The following RNF180 variants were observed in gnomAD, a reference collection of about 807,000 sequenced individuals.
RNF180 encodes E3 ubiquitin-protein ligase RNF180.
A neutral mutation model predicts 59.2 loss-of-function variants in RNF180; 38 were observed. That is an observed-to-expected ratio of 0.64 (90% CI 0.50 to 0.84). RNF180 has a LOEUF of 0.84. Ranked by LOEUF, RNF180 falls within the 40% of genes least tolerant of loss-of-function variation. The probability of loss-of-function intolerance (pLI) is 0.00; values close to 1 mark genes in which losing one functional copy is unlikely to be tolerated. For synonymous variants in RNF180, 262 were observed against 240.3 expected, an observed-to-expected ratio of 1.09 and a Z score of -0.84; for missense variants, 705 against 700.9, an observed-to-expected ratio of 1.01 and a Z score of -0.07.
intron 1 of RNF180, among the ~76,000 whole-genome samples, chr5:64,175,191 T>G (rs1750167119): frequency 6.6e-6 from 1 of 152,130 alleles, no homozygotes; most frequent in African/African-American, 2.4e-5. Context: ...GGTCTTGAAC[T>G]CCCAACTTCG....
intron 4 of RNF180, among the ~76,000 whole-genome samples, chr5:64,214,848 G>A (rs971260557): frequency 5.3e-5 from 8 of 151,950 alleles, no homozygotes; most frequent in Non-Finnish European, 7.4e-5. Flanking sequence ...GTTTTGCAGC[G>A]GTTTTATTTT....
intron 1 of RNF180, among the ~76,000 whole-genome samples, chr5:64,173,229 A>G (rs1179127066): frequency 6.6e-6 from 1 of 152,238 alleles, no homozygotes; most frequent in Non-Finnish European, 1.5e-5. Flanking sequence ...ACCACCCAAT[A>G]ACATTTAAAT....
intron 5 of RNF180, among the ~76,000 whole-genome samples, chr5:64,319,875 G>T (rs959255545): frequency 6.6e-6 from 1 of 152,202 alleles, no homozygotes; most frequent in African/African-American, 2.4e-5. Flanking sequence ...GATTTGGCAG[G>T]TGCCATAAGA....
intron 5 of RNF180, among the ~76,000 whole-genome samples, chr5:64,296,233 T>C (rs1408749579): frequency 6.6e-6 from 1 of 152,138 alleles, no homozygotes; most frequent in African/African-American, 2.4e-5. Flanking sequence ...GCCCCTGATA[T>C]TTACCCTATC....
chr5:64,242,489 A>G (rs1447623617), intron 5 of RNF180, among the ~76,000 whole-genome samples: 1 of 152,226 alleles, frequency 6.6e-6, no homozygotes, highest in African/African-American at 2.4e-5. Context: ...AATTAAAAAA[A>G]CTGAAGGAAA....
At chr5:64,215,213 C>A (rs1473510157) in intron 4 of RNF180, among the ~76,000 whole-genome samples, 3 of 151,942 alleles carry the variant, frequency 2.0e-5, no homozygotes, top group African/African-American at 7.3e-5. Context: ...ATGAGATGCT[C>A]ATGAACATTT....
chr5:64,331,648 T>C (rs993877863), intron 7 of RNF180, among the ~76,000 whole-genome samples: 1 of 152,154 alleles, frequency 6.6e-6, no homozygotes, highest in East Asian at 1.9e-4. Flanking sequence ...TACCCTCCAG[T>C]TGTCTGCATA....
intron 2 of RNF180, among the ~76,000 whole-genome samples, chr5:64,201,645 A>G (rs1751754365): frequency 6.6e-6 from 1 of 152,182 alleles, no homozygotes; most frequent in Admixed American, 6.5e-5. Context: ...GTTTTACCTC[A>G]GTTAGATTTG....
chr5:64,337,825 A>C (rs1745195480), intron 7 of RNF180, among the ~76,000 whole-genome samples: 1 of 152,190 alleles, frequency 6.6e-6, no homozygotes, highest in Non-Finnish European at 1.5e-5. Flanking sequence ...GTCCCTACAA[A>C]GGACATGAAC....
chr5:64,296,194 A>G (rs1400297469), intron 5 of RNF180, among the ~76,000 whole-genome samples: 2 of 152,166 alleles, frequency 1.3e-5, no homozygotes, highest in Non-Finnish European at 2.9e-5. Flanking sequence ...GGAAATTTCT[A>G]AAGTATGACT....
chr5:64,298,149 G>C lies in RNF180; in HGVS notation c.1228-27037G>C, dbSNP rs1477605950. ...TTCTACTCCTGCATTAGTTTGCTAA[G>C]GATAATGGCCTCCAGCTCCATCGAT... On this transcript the variant is annotated intron_variant, in intron 5 of 7. Coordinates refer to ENST00000389100, the MANE Select transcript of RNF180 (RefSeq NM_001113561.2). Among the ~76,000 whole-genome samples the C allele has an allele frequency of 2.0e-5, 3 of 152,142 alleles. No homozygotes were observed. The South Asian group carries it at 6.2e-4, about 32-fold the overall frequency.
chr5:64,230,048 T>C (rs1030899478), intron 5 of RNF180, among the ~76,000 whole-genome samples: 3 of 151,892 alleles, frequency 2.0e-5, no homozygotes, highest in African/African-American at 7.3e-5. Flanking sequence ...TTCTGGTTGC[T>C]GAATTTTTCT....
In RNF180 at chr5:64,298,481, T is replaced by C. The variant is rs575567590; in HGVS notation, c.1228-26705T>C. Among the ~76,000 whole-genome samples the C allele has an allele frequency of 5.9e-5, 9 of 152,114 alleles. No homozygotes were observed. The East Asian group carries it at 1.5e-3, about 26-fold the overall frequency. On this transcript the variant is annotated intron_variant, in intron 5 of 7. Coordinates refer to ENST00000389100, the MANE Select transcript of RNF180 (RefSeq NM_001113561.2). ...CTAGCCATAAAAGGATATTTTCTTATAGCTATGTCTTACTCCTTTATGCAG... is the reference window on the plus strand; with the variant it reads ...CTAGCCATAAAAGGATATTTTCTTACAGCTATGTCTTACTCCTTTATGCAG...
intron 1 of RNF180, among the ~76,000 whole-genome samples, chr5:64,187,612 A>G (rs1750935624): frequency 6.6e-6 from 1 of 152,200 alleles, no homozygotes; most frequent in African/African-American, 2.4e-5. Context: ...GCAGCATAGA[A>G]TTATAAAATG....
In RNF180 at chr5:64,227,823, T is replaced by C. The variant is rs185576608; in HGVS notation, c.1227+10427T>C. On this transcript the variant is annotated intron_variant, in intron 5 of 7. Transcript: ENST00000389100. ...CTCACTTTTAAAATAAATAAATAAA[T>C]AAAAAATAAATCTGCACATTTGGTT... Among the ~76,000 whole-genome samples the C allele has an allele frequency of 4.1e-3, 619 of 152,228 alleles. 2 individuals are homozygous for C. Among genetic ancestry groups the C allele is most frequent in the African/African-American group, 6.0e-3 (251 of 41,534 alleles).
At chr5:64,264,892 A>C (rs1744566959) in intron 5 of RNF180, among the ~76,000 whole-genome samples, 1 of 151,970 alleles carries the variant, frequency 6.6e-6, no homozygotes, top group South Asian at 2.1e-4. Context: ...AGCATCTGTT[A>C]TTTCCTGACT....
intron 5 of RNF180, among the ~76,000 whole-genome samples, chr5:64,261,870 C>A (rs143545633): frequency 1.3e-5 from 2 of 152,006 alleles, no homozygotes; most frequent in Non-Finnish European, 2.9e-5. Context: ...TGAATGAGAA[C>A]GTTTTATAGT....
chr5:64,200,754 A>T, intron 1 of RNF180, 54 bp from the exon 2 acceptor site: 2 of 1,499,144 alleles, frequency 1.3e-6, no homozygotes, highest in South Asian at 2.4e-5. Flanking sequence ...GGATTTAGAA[A>T]GTCCAGTTTA....
At chr5:64,220,879 A>G (rs926358806) in intron 5 of RNF180, among the ~76,000 whole-genome samples, 1 of 152,068 alleles carries the variant, frequency 6.6e-6, no homozygotes, top group African/African-American at 2.4e-5. Flanking sequence ...ATTCTATTAC[A>G]TTATTTTCAG....
Sources: gnomAD v4.1 joint callset for allele counts (sites outside exome capture counted in the v4.1 genomes callset) on GRCh38, gnomAD v4.1.1 for gene constraint, MANE v1.5 for transcripts, NCBI Gene and HGNC (gene_info 2026-07-23, HGNC 2026-07-21) for gene names.